The following PIK3C2G variants were observed in gnomAD, a reference collection of about 807,000 sequenced individuals.
The protein encoded by PIK3C2G is phosphatidylinositol-4-phosphate 3-kinase catalytic subunit type 2 gamma, also known as phosphatidylinositol 3-kinase C2 domain-containing subunit gamma.
Under a neutral mutation model 181.1 loss-of-function variants are expected in PIK3C2G, and 168 were observed. The ratio of observed to expected loss-of-function variants is 0.93; its 90% CI spans 0.82 to 1.05. PIK3C2G has a LOEUF of 1.05. Among genes scored for constraint, PIK3C2G ranks in the 50% least tolerant of loss-of-function variants. The probability of loss-of-function intolerance (pLI) is 0.00; values close to 1 mark genes in which losing one functional copy is unlikely to be tolerated. For missense variants in PIK3C2G, 1,869 were observed against 1,732.8 expected (o/e 1.08, Z -1.40); for synonymous variants, 573 against 592.2 (o/e 0.97, Z 0.47).
At chr12:18,498,393 A>G (rs1009154103) in intron 22 of PIK3C2G, among the ~76,000 whole-genome samples, 1 of 152,244 alleles carries the variant, frequency 6.6e-6, no homozygotes, top group Admixed American at 6.5e-5. Context: ...CTTAATTACA[A>G]TAATGCCAAA....
chr12:18,549,656 C>T (rs1476793843), intron 26 of PIK3C2G, among the ~76,000 whole-genome samples: 3 of 152,010 alleles, frequency 2.0e-5, no homozygotes, highest in Non-Finnish European at 1.5e-5. Context: ...TCAGAGCCTG[C>T]GTTGGCTGAA....
At chr12:18,474,073 T>C (rs1938726775) in intron 18 of PIK3C2G, among the ~76,000 whole-genome samples, 1 of 152,158 alleles carries the variant, frequency 6.6e-6, no homozygotes. Context: ...CCTATTTTTG[T>C]GAATACCAAG....
Position 18,424,183 on chromosome 12 carries a change from AT to A in PIK3C2G, c.2504+149del, listed in dbSNP as rs1592224853. The A allele has an allele frequency of 1.3e-5, 7 of 559,294 alleles. No individual in the cohort carries two copies. The East Asian group carries it at 1.7e-4, about 14-fold the overall frequency. The allele number at this position is 559,294 out of a possible 1,614,324, so 34.6% of individuals were successfully genotyped here. Reference sequence around the variant, plus strand: ...GCAGTTTTGAGTCTTTGTCAATGTCATTTTTATTTAAGAGGATAATGTGTCA... The same window carrying A: ...GCAGTTTTGAGTCTTTGTCAATGTCATTTTATTTAAGAGGATAATGTGTCA... On this transcript the variant is annotated intron_variant, in intron 18 of 32. Coordinates refer to ENST00000538779, the MANE Select transcript of PIK3C2G (RefSeq NM_001288772.2).
chr12:18,300,598 T>G (rs1950135055), intron 5 of PIK3C2G, among the ~76,000 whole-genome samples: 1 of 152,110 alleles, frequency 6.6e-6, no homozygotes, highest in Non-Finnish European at 1.5e-5. Flanking sequence ...GTGGGTAATT[T>G]AATTTCTTTA....
the PIK3C2G span, among the ~76,000 whole-genome samples, chr12:18,692,043 A>G: frequency 1.3e-5 from 2 of 152,240 alleles, no homozygotes; most frequent in African/African-American, 4.8e-5. Flanking sequence ...ATGGTGGAAA[A>G]AGGAGCTGAG....
intron 31 of PIK3C2G, among the ~76,000 whole-genome samples, chr12:18,620,747 A>G (rs1267282750): frequency 2.0e-5 from 3 of 152,072 alleles, no homozygotes; most frequent in Non-Finnish European, 2.9e-5. Context: ...CATTCAATCT[A>G]TCTTCAATCT....
intron 5 of PIK3C2G, among the ~76,000 whole-genome samples, chr12:18,300,680 T>C (rs1454726084): frequency 6.6e-6 from 1 of 152,114 alleles, no homozygotes; most frequent in South Asian, 2.1e-4. Context: ...GTTATGTATA[T>C]CTTTTGTTCC....
chr12:18,725,833 A>T, the PIK3C2G span, among the ~76,000 whole-genome samples: 4 of 151,960 alleles, frequency 2.6e-5, no homozygotes, highest in Non-Finnish European at 5.9e-5. Context: ...TAAATTACCA[A>T]TTTCTACTAA....
intron 8 of PIK3C2G, among the ~76,000 whole-genome samples, chr12:18,335,352 T>C (rs771244585): frequency 2.0e-5 from 3 of 152,170 alleles, no homozygotes; most frequent in Non-Finnish European, 4.4e-5. Flanking sequence ...ACAGCATCAC[T>C]GTTGGAGCTA....
At chr12:18,463,400 A>G (rs1438780960) in intron 18 of PIK3C2G, among the ~76,000 whole-genome samples, 1 of 151,982 alleles carries the variant, frequency 6.6e-6, no homozygotes, top group Non-Finnish European at 1.5e-5. Flanking sequence ...AAATTGTTAG[A>G]CTCCTCTCTG....
Position 18,430,231 on chromosome 12 carries a change from G to T in PIK3C2G, c.2504+6192G>T, listed in dbSNP as rs574268635. Among the ~76,000 whole-genome samples the T allele has an allele frequency of 3.0e-4, 46 of 152,260 alleles. No homozygotes were observed. In the Middle Eastern group the frequency reaches 0.014, roughly 45 times the overall value. ...TCAGTATGCTATGGGATACATCGTAGGTAGAACAACAGTATTGCAGTCTTT... is the reference window on the plus strand; with the variant it reads ...TCAGTATGCTATGGGATACATCGTATGTAGAACAACAGTATTGCAGTCTTT... On this transcript the variant is annotated intron_variant, in intron 18 of 32. Coordinates refer to ENST00000538779, the MANE Select transcript of PIK3C2G (RefSeq NM_001288772.2).
intron 5 of PIK3C2G, among the ~76,000 whole-genome samples, chr12:18,303,115 CTTCTTTCT>C (rs71061296): frequency 2.2e-5 from 3 of 136,724 alleles, no homozygotes; most frequent in South Asian, 5.0e-4. Context: ...TCTTTCTTTC[CTTCTTTCT>C]TTCTTTCTTT....
At chr12:18,248,365 G>A (rs1352606998) in intron 1 of PIK3C2G, among the ~76,000 whole-genome samples, 1 of 152,112 alleles carries the variant, frequency 6.6e-6, no homozygotes, top group East Asian at 1.9e-4. Context: ...GAGGTCAGGA[G>A]ATCGAGACCA....
downstream of PIK3C2G, among the ~76,000 whole-genome samples, chr12:18,650,198 C>A (rs1950357478): frequency 6.6e-6 from 1 of 151,704 alleles, no homozygotes; most frequent in African/African-American, 2.4e-5. Flanking sequence ...GTTCTTTTCC[C>A]CCAGACCTGT....
chr12:18,334,828 C>T (rs554396691), intron 8 of PIK3C2G, among the ~76,000 whole-genome samples: 19 of 152,000 alleles, frequency 1.3e-4, no homozygotes, highest in South Asian at 2.1e-4. Flanking sequence ...ATATTCCCCT[C>T]GTACTCTGGT....
chr12:18,394,193 T>A (rs552022695), intron 15 of PIK3C2G, among the ~76,000 whole-genome samples: 6 of 152,150 alleles, frequency 3.9e-5, no homozygotes, highest in African/African-American at 1.4e-4. Flanking sequence ...TAGGATTAAG[T>A]CCACTCTAGC....
chr12:18,326,920 T>C (rs11044027), intron 8 of PIK3C2G, among the ~76,000 whole-genome samples: 2,638 of 152,256 alleles, frequency 0.017, 33 homozygotes, highest in Non-Finnish European at 0.028. Flanking sequence ...AGACATCTTT[T>C]TTCACACACA....
intron 31 of PIK3C2G, among the ~76,000 whole-genome samples, chr12:18,633,278 CAT>C (rs892299957): frequency 1.8e-4 from 28 of 152,156 alleles, no homozygotes; most frequent in African/African-American, 5.5e-4. Context: ...TACATAAACA[CAT>C]GTTACATAAG....
At chr12:18,437,403 G>T (rs1311549609) in intron 18 of PIK3C2G, among the ~76,000 whole-genome samples, 1 of 151,882 alleles carries the variant, frequency 6.6e-6, no homozygotes, top group Non-Finnish European at 1.5e-5. Context: ...TAATAACTTA[G>T]AATTCTTGTA....
Sources: gnomAD v4.1 joint callset for allele counts (sites outside exome capture counted in the v4.1 genomes callset) on GRCh38, gnomAD v4.1.1 for gene constraint, MANE v1.5 for transcripts, NCBI Gene and HGNC (gene_info 2026-07-23, HGNC 2026-07-21) for gene names.